ESR1: variants seen among roughly 807,000 people sequenced by gnomAD.
ESR1 encodes estrogen receptor.
A neutral mutation model predicts 52.7 loss-of-function variants in ESR1; 12 were observed. That is an observed-to-expected ratio of 0.23 (90% CI 0.15 to 0.37). The LOEUF (loss-of-function observed/expected upper bound fraction) is 0.37. ESR1 is among the 10% of genes least tolerant of loss of function. The pLI, the probability that ESR1 is intolerant of heterozygous loss-of-function variation, is 1.00. For synonymous variants in ESR1, 305 were observed against 316.8 expected (o/e 0.96, Z 0.39); for missense variants, 584 against 779.7 (o/e 0.75, Z 2.99).
At chr6:151,678,868 G>A (rs1778351542) in intron 1 of ESR1, among the ~76,000 whole-genome samples, 1 of 151,950 alleles carries the variant, frequency 6.6e-6, no homozygotes, top group Non-Finnish European at 1.5e-5. Flanking sequence ...TGCATTTTTA[G>A]TAGAGACAGG....
chr6:151,795,959 T>G (rs368329067), intron 2 of ESR1, among the ~76,000 whole-genome samples: 1 of 150,478 alleles, frequency 6.6e-6, no homozygotes. Flanking sequence ...TCATCCTGGC[T>G]AACACAGTGA....
At chr6:151,737,023 A>G (rs560294654) in intron 2 of ESR1, among the ~76,000 whole-genome samples, 12 of 152,352 alleles carry the variant, frequency 7.9e-5, no homozygotes, top group Admixed American at 5.9e-4. Flanking sequence ...CTGAATTTGT[A>G]TGTACATATA....
At chr6:152,045,844 G>C (rs1488210859) in intron 5 of ESR1, among the ~76,000 whole-genome samples, 1 of 152,172 alleles carries the variant, frequency 6.6e-6, no homozygotes, top group African/African-American at 2.4e-5. Flanking sequence ...AAGAAAAAGA[G>C]TGAACACTTT....
chr6:151,832,219 G>T (rs1247231494), intron 1 of ESR1, among the ~76,000 whole-genome samples: 1 of 152,108 alleles, frequency 6.6e-6, no homozygotes, highest in Non-Finnish European at 1.5e-5. Context: ...TTTTTAACTT[G>T]CCTACCCCAG....
chr6:152,050,659 A>C (rs1258834894), intron 5 of ESR1, among the ~76,000 whole-genome samples: 1 of 152,210 alleles, frequency 6.6e-6, no homozygotes, highest in Non-Finnish European at 1.5e-5. Context: ...GCATGTTAAC[A>C]AGTGGGCAGA....
chr6:151,935,656 T>G (rs2034270426), intron 3 of ESR1, among the ~76,000 whole-genome samples: 1 of 152,198 alleles, frequency 6.6e-6, no homozygotes, highest in African/African-American at 2.4e-5. Flanking sequence ...ATTCACCAAA[T>G]GTAGGACGGC....
chr6:151,988,031 G>A (rs772001010), intron 4 of ESR1, among the ~76,000 whole-genome samples: 3 of 152,048 alleles, frequency 2.0e-5, no homozygotes, highest in Non-Finnish European at 4.4e-5. Flanking sequence ...AACCCTTTTG[G>A]CACCAGGGAC....
At chr6:151,752,213 A>C (rs1367991031) in intron 2 of ESR1, among the ~76,000 whole-genome samples, 2 of 152,196 alleles carry the variant, frequency 1.3e-5, no homozygotes, top group African/African-American at 4.8e-5. Flanking sequence ...GTTACTAGGA[A>C]TTGAACCTCT....
In ESR1 at chr6:152,100,386, T is replaced by C. The variant is rs1409349571; in HGVS notation, c.*1420T>C. The C allele has an allele frequency of 9.6e-6, 3 of 312,214 alleles. No homozygotes were observed. The highest frequency in any genetic ancestry group is 1.0e-4 in the Admixed American group (2 of 19,858). The allele number at this position is 312,214 out of a possible 1,614,324, so 19.3% of individuals were successfully genotyped here. On this transcript the variant is annotated 3_prime_UTR_variant, in exon 8 of 8. Transcript: ENST00000206249. ...AGATAATCCAAAATCAGGGTTTGGTTTGGGGAAGAAAATCCTCCCCCTTCC... is the reference window on the plus strand; with the variant it reads ...AGATAATCCAAAATCAGGGTTTGGTCTGGGGAAGAAAATCCTCCCCCTTCC...
chr6:151,691,100 CATA>C (rs746925703), intron 1 of ESR1, among the ~76,000 whole-genome samples: 1 of 152,152 alleles, frequency 6.6e-6, no homozygotes, highest in Non-Finnish European at 1.5e-5. Flanking sequence ...TCTTTGGAGC[CATA>C]ACTTACGTGA....
intron 2 of ESR1, among the ~76,000 whole-genome samples, chr6:151,772,842 C>A (rs1195824956): frequency 1.3e-5 from 2 of 152,126 alleles, no homozygotes; most frequent in Admixed American, 1.3e-4. Flanking sequence ...AATTGTAAAG[C>A]CTTACTAGTA....
chr6:151,828,514 G>A (rs906812327), intron 1 of ESR1, among the ~76,000 whole-genome samples: 5 of 152,194 alleles, frequency 3.3e-5, no homozygotes, highest in African/African-American at 1.2e-4. Context: ...ATAAGCACAG[G>A]CATGGCAGAT....
intron 2 of ESR1, among the ~76,000 whole-genome samples, chr6:151,845,579 A>G (rs1260644352): frequency 6.6e-6 from 1 of 152,188 alleles, no homozygotes; most frequent in Non-Finnish European, 1.5e-5. Flanking sequence ...AAAAACAAAC[A>G]AAACAACACC....
rs9397444 is a variant in ESR1, at chr6:151,669,842, T to C, written n.73+13079T>C. Among the ~76,000 whole-genome samples the C allele has an allele frequency of 2.3e-4, 35 of 152,260 alleles. 1 individual carries two copies. In the East Asian group the frequency reaches 5.2e-3, roughly 23 times the overall value. On this transcript the variant is annotated intron_variant and non_coding_transcript_variant, in intron 1 of 2. Coordinates refer to the ESR1 transcript ENST00000473497. ...AGTAGCAGAATCAACACAAGGTTTT[T>C]CTTATAATGGATGAGAGATTGTAAA...
intron 6 of ESR1, among the ~76,000 whole-genome samples, chr6:152,072,714 G>C (rs2048448075): frequency 6.6e-6 from 1 of 152,204 alleles, no homozygotes; most frequent in African/African-American, 2.4e-5. Flanking sequence ...CAGGTAGTTA[G>C]CTCTGAGGAC....
rs2051624339 is a variant in ESR1 at position 152,122,478 on chromosome 6, G to T, written c.851-2788G>T. 3 of 1,614,180 alleles carry T rather than the reference G, an allele frequency of 1.9e-6. No individual in the cohort carries two copies. Among genetic ancestry groups the T allele is most frequent in the Non-Finnish European group, 2.5e-6 (3 of 1,180,034 alleles). On this transcript the variant is annotated intron_variant, in intron 6 of 6. Coordinates refer to the ESR1 transcript ENST00000427531. Reference sequence around the variant, plus strand: ...CATTCGTGTATCTGAGCATGGGGTGGAATGACCGGGCAAAGTTGTTGGAGA... The same window carrying T: ...CATTCGTGTATCTGAGCATGGGGTGTAATGACCGGGCAAAGTTGTTGGAGA...
chr6:152,031,043 G>A (rs1403881824), intron 5 of ESR1, among the ~76,000 whole-genome samples: 1 of 152,104 alleles, frequency 6.6e-6, no homozygotes, highest in Non-Finnish European at 1.5e-5. Flanking sequence ...TGACTACTGG[G>A]TACATAACGA....
chr6:152,102,706 GC>G lies in ESR1; in HGVS notation c.*3741del, dbSNP rs1405646483. The G allele has an allele frequency of 9.1e-6, 2 of 218,680 alleles. No individual in the cohort carries two copies. The highest frequency in any genetic ancestry group is 4.5e-5 in the African/African-American group (2 of 44,460). The allele number at this position is 218,680 out of a possible 1,614,324, so 13.5% of individuals were successfully genotyped here. On this transcript the variant is annotated 3_prime_UTR_variant, in exon 8 of 8. Coordinates refer to ENST00000206249, the MANE Select transcript of ESR1 (RefSeq NM_000125.4). ...ATTTAAAATTGTTTTCTAAGTAATT[GC>G]TGCCTCTATTATGGCACTTCAATTT...
chr6:152,000,500 A>T (rs1239716196), intron 4 of ESR1, among the ~76,000 whole-genome samples: 2 of 152,012 alleles, frequency 1.3e-5, no homozygotes, highest in East Asian at 3.9e-4. Flanking sequence ...CTTTTCCTGG[A>T]AAGGAGTGAT....
Sources: gnomAD v4.1 joint callset for allele counts (sites outside exome capture counted in the v4.1 genomes callset) on GRCh38, gnomAD v4.1.1 for gene constraint, MANE v1.5 for transcripts, NCBI Gene and HGNC (gene_info 2026-07-23, HGNC 2026-07-21) for gene names.